Variants in NR3C1 observed in about 807,000 individuals in gnomAD.
The protein encoded by NR3C1 is nuclear receptor subfamily 3 group C member 1.
NR3C1 carries 14 observed loss-of-function variants against 74.0 expected under a neutral mutation model. That is an observed-to-expected ratio of 0.19 (90% confidence interval 0.12 to 0.30). The LOEUF is 0.30. Ranked by LOEUF, NR3C1 falls within the 10% of genes least tolerant of loss-of-function variation. The pLI is 1.00. For missense variants in NR3C1, 695 were observed against 909.8 expected (o/e 0.76, Z 3.04); for synonymous variants, 308 against 332.5 (o/e 0.93, Z 0.80).
chr5:143,398,337 T>C (rs1354955684), intron 2 of NR3C1, among the ~76,000 whole-genome samples: 2 of 147,578 alleles, frequency 1.4e-5, no homozygotes, highest in Non-Finnish European at 3.0e-5. Flanking sequence ...TTAAGACATG[T>C]AAGAACCAAG....
chr5:143,314,874 G>C (rs1821751111), intron 2 of NR3C1, among the ~76,000 whole-genome samples: 1 of 152,114 alleles, frequency 6.6e-6, no homozygotes, highest in South Asian at 2.1e-4. Context: ...ATTGGACAAA[G>C]CACTAGGCTT....
chr5:143,376,479 C>T lies in NR3C1; in HGVS notation c.1184+23177G>A, dbSNP rs191296143. Among the ~76,000 whole-genome samples the T allele has an allele frequency of 5.1e-3, 774 of 152,308 alleles. 6 individuals carry two copies. Among genetic ancestry groups the T allele is most frequent in the Non-Finnish European group, 6.1e-3 (412 of 68,034 alleles). On this transcript the variant is annotated intron_variant, in intron 2 of 8. Transcript: ENST00000394464. Reference sequence around the variant, plus strand: ...TTCTCTCTAAGCTCATGATAGACCTCAGGAGAAAGTCAGGTAGGCCTGCTG... The same window carrying T: ...TTCTCTCTAAGCTCATGATAGACCTTAGGAGAAAGTCAGGTAGGCCTGCTG...
upstream of NR3C1, chr5:143,403,936 C>T (rs1840841749): frequency 2.0e-6 from 2 of 984,460 alleles, no homozygotes; most frequent in Non-Finnish European, 2.4e-6. Flanking sequence ...TCGCCCCCCG[C>T]CCCCAACTCC....
At chr5:143,396,330 C>T (rs1336467441) in intron 2 of NR3C1, among the ~76,000 whole-genome samples, 1 of 151,706 alleles carries the variant, frequency 6.6e-6, no homozygotes, top group Non-Finnish European at 1.5e-5. Context: ...AAAAAGAAAT[C>T]TCCTTTAACA....
At chr5:143,391,674 C>T (rs931621404) in intron 2 of NR3C1, among the ~76,000 whole-genome samples, 10 of 152,026 alleles carry the variant, frequency 6.6e-5, no homozygotes, top group Admixed American at 5.2e-4. Flanking sequence ...TTGTCGAAGG[C>T]GCTTTCAAAA....
chr5:143,313,968 A>G (rs1455040009), intron 3 of NR3C1, 34 bp downstream of exon 3: 6 of 1,609,288 alleles, frequency 3.7e-6, no homozygotes, highest in Admixed American at 1.7e-5. Flanking sequence ...AAAACCAAGT[A>G]GAGGAAAAAT....
intron 1 of NR3C1, among the ~76,000 whole-genome samples, chr5:143,413,614 C>G (rs528542833): frequency 4.5e-4 from 68 of 152,216 alleles, no homozygotes; most frequent in African/African-American, 1.6e-3. Context: ...GCCTGTGGCA[C>G]CTGGATTTAA....
At chr5:143,435,321 G>A (rs1752055492) in exon 1 of NR3C1, 1 of 985,256 alleles carries the variant, frequency 1.0e-6, no homozygotes, top group Admixed American at 6.1e-5. Context: ...CCAGTGATTT[G>A]GTATCAGAAG....
chr5:143,328,493 C>A (rs1357662490), intron 2 of NR3C1, among the ~76,000 whole-genome samples: 1 of 152,224 alleles, frequency 6.6e-6, no homozygotes, highest in Non-Finnish European at 1.5e-5. Flanking sequence ...CAGATTTCTG[C>A]AGCTGGCTTG....
intron 2 of NR3C1, among the ~76,000 whole-genome samples, chr5:143,397,334 T>A (rs1214795829): frequency 6.6e-6 from 1 of 151,894 alleles, no homozygotes; most frequent in East Asian, 1.9e-4. Context: ...GTGGTCTCAA[T>A]GTGTTGATTA....
chr5:143,280,614 G>A lies in NR3C1; in HGVS notation c.*1275C>T, dbSNP rs1812943640. The A allele has an allele frequency of 6.6e-6, 1 of 152,584 alleles. No individual in the cohort carries two copies. The highest frequency in any genetic ancestry group is 1.5e-5 in the Non-Finnish European group (1 of 68,036). 9.5% of individuals were successfully genotyped at this position (152,584 alleles called of 1,614,324 possible). ...AAACTCTATGGCACACATTAGGGAT[G>A]TGTAGTTTTACAAACATGGATGTCT... On this transcript the variant is annotated 3_prime_UTR_variant, in exon 9 of 9. Coordinates refer to ENST00000394464, the MANE Select transcript of NR3C1 (RefSeq NM_000176.3).
chr5:143,328,709 C>T (rs1369661930), intron 2 of NR3C1, among the ~76,000 whole-genome samples: 1 of 152,110 alleles, frequency 6.6e-6, no homozygotes, highest in East Asian at 1.9e-4. Context: ...TGCCAAATAC[C>T]CTAAATCATC....
chr5:143,404,304 CG>C (rs749497388), upstream of NR3C1: 182 of 985,652 alleles, frequency 1.8e-4, no homozygotes, highest in Non-Finnish European at 1.9e-4. Flanking sequence ...CGCTCGGGGC[CG>C]GGCGGCCTGA....
intron 2 of NR3C1, among the ~76,000 whole-genome samples, chr5:143,334,540 A>T (rs1219185201): frequency 1.3e-5 from 2 of 152,078 alleles, no homozygotes; most frequent in African/African-American, 4.8e-5. Flanking sequence ...CATGTATCCT[A>T]GGGTTTAATG....
Position 143,419,903 on chromosome 5 carries a change from C to T in NR3C1, c.-14+14629G>A, listed in dbSNP as rs536202336. Reference sequence around the variant, plus strand: ...TATGGGAGACTGGGGTTTATTTCATCCCTACAGTTTCAACCATAGAAGACA... The same window carrying T: ...TATGGGAGACTGGGGTTTATTTCATTCCTACAGTTTCAACCATAGAAGACA... On this transcript the variant is annotated intron_variant, in intron 1 of 8. Coordinates refer to the NR3C1 transcript ENST00000343796. Among the ~76,000 whole-genome samples the T allele has an allele frequency of 3.3e-5, 5 of 152,188 alleles. No homozygotes were observed. The South Asian group carries it at 1.0e-3, about 32-fold the overall frequency.
chr5:143,395,434 G>A (rs551987960), intron 2 of NR3C1, among the ~76,000 whole-genome samples: 1 of 151,642 alleles, frequency 6.6e-6, no homozygotes, highest in African/African-American at 2.4e-5. Flanking sequence ...TTATGCAACA[G>A]GAATCATCAA....
At chr5:143,411,415 G>A (rs946914473) in intron 1 of NR3C1, among the ~76,000 whole-genome samples, 3 of 152,166 alleles carry the variant, frequency 2.0e-5, no homozygotes, top group African/African-American at 7.2e-5. Flanking sequence ...AACGAGTTTA[G>A]TTCCAACATC....
At chr5:143,331,912 G>A (rs1346402622) in intron 2 of NR3C1, among the ~76,000 whole-genome samples, 1 of 152,140 alleles carries the variant, frequency 6.6e-6, no homozygotes, top group African/African-American at 2.4e-5. Context: ...ACCTGCACAT[G>A]TACCTCTGAA....
intron 2 of NR3C1, chr5:143,332,773 G>T (rs1276696629): frequency 1.3e-6 from 2 of 1,582,210 alleles, no homozygotes; most frequent in Non-Finnish European, 1.7e-6. Flanking sequence ...TTTGTTGTAC[G>T]CATCGAAAGG....
Sources: gnomAD v4.1 joint callset for allele counts (sites outside exome capture counted in the v4.1 genomes callset) on GRCh38, gnomAD v4.1.1 for gene constraint, MANE v1.5 for transcripts, NCBI Gene and HGNC (gene_info 2026-07-23, HGNC 2026-07-21) for gene names.